The following ZNF560 variants were observed in gnomAD, a reference collection of about 807,000 sequenced individuals.
ZNF560 encodes zinc finger protein 560.
A neutral mutation model predicts 81.8 loss-of-function variants in ZNF560; 54 were observed. The ratio of observed to expected loss-of-function variants is 0.66; its 90% CI spans 0.53 to 0.83. The LOEUF is 0.83. ZNF560 is among the 40% of genes least tolerant of loss of function. The pLI is 0.00. For missense variants in ZNF560, 940 were observed against 932.4 expected (o/e 1.01, Z -0.11); for synonymous variants, 321 against 317.9 (o/e 1.01, Z -0.10).
At chr19:9,505,062 C>A in the ZNF560 span, among the ~76,000 whole-genome samples, 1 of 151,894 alleles carries the variant, frequency 6.6e-6, no homozygotes, top group Non-Finnish European at 1.5e-5. Flanking sequence ...TCCAGCCAGG[C>A]GACATAGTGA....
chr19:9,447,219 A>G, the ZNF560 span, among the ~76,000 whole-genome samples: 2 of 152,110 alleles, frequency 1.3e-5, no homozygotes, highest in Non-Finnish European at 2.9e-5. Flanking sequence ...CCATAACAAA[A>G]TTAATTCTAC....
At chr19:9,485,736 G>A (rs2073374913) in intron 2 of ZNF560, among the ~76,000 whole-genome samples, 1 of 151,834 alleles carries the variant, frequency 6.6e-6, no homozygotes, top group South Asian at 2.1e-4. Flanking sequence ...GTAGAGACAG[G>A]GTTTGGCCAC....
intron 2 of ZNF560, among the ~76,000 whole-genome samples, chr19:9,476,796 T>C (rs367875707): frequency 2.5e-4 from 38 of 152,328 alleles, no homozygotes; most frequent in East Asian, 1.9e-3. Context: ...TCCAGTCTTA[T>C]GTATTTTTTC....
chr19:9,469,153 G>T lies in ZNF560; in HGVS notation c.564C>A (p.Ala188=). 2 of 1,598,406 alleles carry T rather than the reference G, an allele frequency of 1.3e-6. No individual in the cohort carries two copies. The highest frequency in any genetic ancestry group is 1.7e-6 in the Non-Finnish European group (2 of 1,174,386). ...TTAAACAAAAATTATCTTGCCAAAGGGCTGGCCCTTTGGTTTTCAGGCACA... is the reference window on the plus strand; with the variant it reads ...TTAAACAAAAATTATCTTGCCAAAGTGCTGGCCCTTTGGTTTTCAGGCACA... The part of the protein sequence containing the change: ...WKMCLKTKGP[A]LWQDNFCLKT... The change falls in exon 9 of 10, where the codon GCC becomes GCA. Residue 188 remains alanine, a synonymous_variant. Coordinates refer to ENST00000301480, the MANE Select transcript of ZNF560 (RefSeq NM_152476.3).
At chr19:9,480,592 A>G (rs1288361927) in intron 2 of ZNF560, among the ~76,000 whole-genome samples, 1 of 152,044 alleles carries the variant, frequency 6.6e-6, no homozygotes, top group Non-Finnish European at 1.5e-5. Flanking sequence ...GATAAAGGAA[A>G]CTAAAAGTTT....
chr19:9,497,859 C>CAG (rs765351415), intron 2 of ZNF560, among the ~76,000 whole-genome samples: 1 of 152,140 alleles, frequency 6.6e-6, no homozygotes, highest in Non-Finnish European at 1.5e-5. Flanking sequence ...TGGAGACGTA[C>CAG]AGAGCTAGGA....
At chr19:9,506,418 T>C in the ZNF560 span, among the ~76,000 whole-genome samples, 1 of 149,926 alleles carries the variant, frequency 6.7e-6, no homozygotes, top group African/African-American at 2.4e-5. Context: ...TCTGTTGTTT[T>C]TTTTTTTTTT....
At chr19:9,491,596 G>T (rs1387154705) in intron 2 of ZNF560, among the ~76,000 whole-genome samples, 5 of 152,000 alleles carry the variant, frequency 3.3e-5, no homozygotes, top group African/African-American at 1.2e-4. Context: ...GGAGGCTGAG[G>T]CTGGCAGATC....
At chr19:9,486,195 C>A (rs1459207626) in intron 2 of ZNF560, among the ~76,000 whole-genome samples, 1 of 152,080 alleles carries the variant, frequency 6.6e-6, no homozygotes, top group African/African-American at 2.4e-5. Flanking sequence ...GGATAATTAC[C>A]CCTCTTCCTG....
Position 9,487,540 on chromosome 19 carries a change from G to A in ZNF560, c.-57+10588C>T, listed in dbSNP as rs554735465. On this transcript the variant is annotated intron_variant, in intron 2 of 9. Coordinates refer to ENST00000301480, the MANE Select transcript of ZNF560 (RefSeq NM_152476.3). Reference sequence around the variant, plus strand: ...TTATTATACTCATAGATCCTAGAAAGGGAGGCATGCCATGCCATGCAGGGG... The same window carrying A: ...TTATTATACTCATAGATCCTAGAAAAGGAGGCATGCCATGCCATGCAGGGG... 6.6e-5 allele frequency among the ~76,000 whole-genome samples: 10 copies of A among 152,310 alleles called. No homozygotes were observed. The South Asian group carries it at 1.5e-3, about 22-fold the overall frequency.
chr19:9,463,236 A>G (rs1036219), downstream of ZNF560, among the ~76,000 whole-genome samples: 15,981 of 152,208 alleles, frequency 0.1, 985 homozygotes, highest in South Asian at 0.2. Flanking sequence ...GTGATTTTAT[A>G]TAAACAATCA....
rs1212562526 is a variant in ZNF560, at chr19:9,466,643, A to G, written c.2304T>C (p.Phe768=). ...HLRTHMGEKP[F]ECDQCGKAFA... ...AGGCTTTCCCACACTGGTCACATTC[A>G]AAGGGTTTCTCTCCCATATGAGTTC... Residue 768 remains phenylalanine, a synonymous_variant, in exon 10 of 10, where the codon TTT becomes TTC. Coordinates refer to ENST00000301480, the MANE Select transcript of ZNF560 (RefSeq NM_152476.3). The G allele has an allele frequency of 6.2e-7, 1 of 1,613,898 alleles. No individual in the cohort carries two copies. Among genetic ancestry groups the G allele is most frequent in the Non-Finnish European group, 8.5e-7 (1 of 1,179,840 alleles).
Position 9,498,590 on chromosome 19 carries a change from A to G in ZNF560, c.-197T>C, listed in dbSNP as rs1329518610. 6.6e-6 allele frequency: 1 copy of G among 152,304 alleles called. No homozygotes were observed. The highest frequency in any genetic ancestry group is 1.5e-5 in the Non-Finnish European group (1 of 68,098). The allele number at this position is 152,304 out of a possible 1,614,324, so 9.4% of individuals were successfully genotyped here. A position where few individuals can be genotyped will look rare whatever the true frequency, so the allele number is the denominator to read the frequency against. On this transcript the variant is annotated 5_prime_UTR_variant, in exon 1 of 10. Coordinates refer to ENST00000301480, the MANE Select transcript of ZNF560 (RefSeq NM_152476.3). The stretch of plus-strand genomic sequence containing the variant: ...AAGGAAAAAGTGGCTCTGAGGAAAC[A>G]GGCGCCAGCGACCAAAAGAGAGAAC...
downstream of ZNF560, among the ~76,000 whole-genome samples, chr19:9,464,942 G>A (rs547002763): frequency 5.3e-5 from 8 of 152,094 alleles, no homozygotes; most frequent in South Asian, 2.1e-4. Context: ...ACTAAAGGAC[G>A]AAGAATATAA....
Position 9,467,188 on chromosome 19 carries a change from G to T in ZNF560, c.1759C>A (p.Leu587Ile). The change falls in exon 10 of 10, where the codon CTT becomes ATT. Residue 587 changes from leucine to isoleucine, a missense_variant. Coordinates refer to ENST00000301480, the MANE Select transcript of ZNF560 (RefSeq NM_152476.3). ...CGKAFTERSY[L>I]TKHLRRHSGE... ...CTGTGTCTTCGTAAATGTTTAGTAA[G>T]GTATGAGCGCTCAGTGAAGGCTTTC... 3 of 1,614,062 alleles carry T rather than the reference G, an allele frequency of 1.9e-6. No homozygotes were observed. In the South Asian group the frequency reaches 3.3e-5, roughly 18 times the overall value.
the ZNF560 span, among the ~76,000 whole-genome samples, chr19:9,451,607 A>G: frequency 6.6e-6 from 1 of 152,214 alleles, no homozygotes. Context: ...AAAAACAAAA[A>G]TTGATAAGTA....
upstream of ZNF560, among the ~76,000 whole-genome samples, chr19:9,501,156 C>CTTTT (rs759618635): frequency 2.3e-4 from 24 of 106,356 alleles, no homozygotes; most frequent in Non-Finnish European, 2.8e-4. Flanking sequence ...TTCTCTTTAG[C>CTTTT]TTTTTTTTTT....
At chr19:9,469,274 T>C (rs1312093627) in intron 8 of ZNF560, 87 bp from the exon 9 acceptor site, 1 of 1,071,740 alleles carries the variant, frequency 9.3e-7, no homozygotes, top group African/African-American at 1.6e-5. Flanking sequence ...ACAATTTATA[T>C]ATGTCTAAAA....
chr19:9,497,615 ATT>A (rs2073582852), intron 2 of ZNF560, among the ~76,000 whole-genome samples: 1 of 152,028 alleles, frequency 6.6e-6, no homozygotes. Flanking sequence ...TCACCATAAA[ATT>A]TATTTACGAG....
Sources: allele counts gnomAD v4.1 joint callset (sites outside exome capture counted in the v4.1 genomes callset), GRCh38; gene constraint gnomAD v4.1.1; transcripts MANE v1.5; gene names NCBI Gene and HGNC (gene_info 2026-07-23, HGNC 2026-07-21).